Variants in CLEC16A observed in about 807,000 individuals in gnomAD.
CLEC16A encodes the protein protein CLEC16A.
In CLEC16A, 51 loss-of-function variants were observed where a neutral mutation model predicts 109.5. The observed-to-expected ratio is 0.47, with a 90% CI of 0.37 to 0.59. CLEC16A has a LOEUF of 0.59. CLEC16A is among the 20% of genes least tolerant of loss of function. CLEC16A has a pLI of 0.00. For missense variants in CLEC16A, 1,339 were observed against 1,394.0 expected (o/e 0.96, Z 0.63); for synonymous variants, 673 against 564.2 (o/e 1.19, Z -2.73).
intron 8 of CLEC16A, among the ~76,000 whole-genome samples, 154 bp downstream of exon 8, chr16:10,977,553 A>T (rs939255122): frequency 6.6e-6 from 1 of 151,982 alleles, no homozygotes; most frequent in African/African-American, 2.4e-5. Flanking sequence ...TTGCTCTTTT[A>T]CCCAGGCTGG....
intron 10 of CLEC16A, among the ~76,000 whole-genome samples, chr16:10,999,501 GTTTA>G (rs2044535554): frequency 6.6e-6 from 1 of 152,166 alleles, no homozygotes; most frequent in South Asian, 2.1e-4. Context: ...GTCTGCATCA[GTTTA>G]TTTAGGAATA....
At chr16:10,980,241 G>T (rs539673379) in intron 9 of CLEC16A, among the ~76,000 whole-genome samples, 4 of 152,262 alleles carry the variant, frequency 2.6e-5, no homozygotes, top group Middle Eastern at 3.4e-3. Context: ...CGGCAGGTAG[G>T]CCAATCCGGA....
chr16:11,121,645 C>T (rs2052417734), intron 20 of CLEC16A, among the ~76,000 whole-genome samples: 1 of 151,532 alleles, frequency 6.6e-6, no homozygotes, highest in African/African-American at 2.4e-5. Context: ...TTTGAGGGGC[C>T]AAGTCAGGTG....
chr16:11,095,481 C>G (rs1004995464), intron 19 of CLEC16A, among the ~76,000 whole-genome samples: 2 of 152,162 alleles, frequency 1.3e-5, no homozygotes, highest in Non-Finnish European at 2.9e-5. Flanking sequence ...GTCAGCATAG[C>G]TGAGGGTTTG....
In CLEC16A at chr16:11,067,443, G is replaced by A. The variant is rs561350576; in HGVS notation, c.2116+6421G>A. Among the ~76,000 whole-genome samples, 8 of 152,098 alleles carry A rather than the reference G, an allele frequency of 5.3e-5. No homozygotes were observed. In the South Asian group the frequency reaches 1.0e-3, roughly 20 times the overall value. Reference sequence around the variant, plus strand: ...GGGGGTGTGGGTGCCGAGAAGTGGCGCAGAAGAAGCAAAGGCCCTGGGGCC... The same window carrying A: ...GGGGGTGTGGGTGCCGAGAAGTGGCACAGAAGAAGCAAAGGCCCTGGGGCC... On this transcript the variant is annotated intron_variant, in intron 19 of 23. Coordinates refer to ENST00000409790, the MANE Select transcript of CLEC16A (RefSeq NM_015226.3).
intron 19 of CLEC16A, 144 bp downstream of exon 19, chr16:11,061,166 T>C (rs2048460848): frequency 3.1e-6 from 3 of 972,642 alleles, no homozygotes; most frequent in Admixed American, 3.2e-5. Flanking sequence ...GAGCCAGCGG[T>C]GTGCATGTCC....
At position 11,016,995 on chromosome 16, in the gene CLEC16A, C is replaced by T. The variant is rs1030814335; in HGVS notation, c.1304-3198C>T. ...ATAGGGCCGGGGCCCATGTGAATAT[C>T]GGGGCGGGGGGGGGGGTGCTCCTCC... On this transcript the variant is annotated intron_variant, in intron 11 of 23. Transcript: ENST00000409790. 3.8e-4 allele frequency among the ~76,000 whole-genome samples: 10 copies of T among 26,254 alleles called. No individual in the cohort carries two copies. The Admixed American group carries it at 3.9e-3, about 10-fold the overall frequency. 17.2% of individuals were successfully genotyped at this position (26,254 alleles called of 152,430 possible). A position where few individuals can be genotyped will look rare whatever the true frequency, so the allele number is the denominator to read the frequency against.
chr16:10,950,858 C>T (rs1443140276), intron 1 of CLEC16A, among the ~76,000 whole-genome samples: 1 of 152,232 alleles, frequency 6.6e-6, no homozygotes, highest in Non-Finnish European at 1.5e-5. Context: ...TCCTATCATT[C>T]TGCTTATCCT....
Position 11,045,063 on chromosome 16 carries a change from G to A in CLEC16A, c.1815+991G>A, listed in dbSNP as rs557580857. Among the ~76,000 whole-genome samples the A allele has an allele frequency of 5.3e-5, 8 of 150,654 alleles. No individual in the cohort carries two copies. In the South Asian group the frequency reaches 8.5e-4, roughly 16 times the overall value. ...AACAATAGACATTTACTTCTGGGCC[G>A]GGCATGGTGGCTCATGCCTATAATC... On this transcript the variant is annotated intron_variant, in intron 16 of 23. Transcript: ENST00000409790.
At chr16:11,057,023 A>G (rs1414625139) in intron 18 of CLEC16A, 2 of 152,306 alleles carry the variant, frequency 1.3e-5, no homozygotes, top group Non-Finnish European at 2.9e-5. Flanking sequence ...CAACTAAACT[A>G]TAATGAGCAG....
At chr16:10,996,830 C>A (rs977107207) in intron 10 of CLEC16A, among the ~76,000 whole-genome samples, 1 of 152,214 alleles carries the variant, frequency 6.6e-6, no homozygotes, top group Non-Finnish European at 1.5e-5. Flanking sequence ...CTGCGCTTAC[C>A]TGAGTCCCCC....
intron 22 of CLEC16A, among the ~76,000 whole-genome samples, chr16:11,134,251 G>A (rs975721831): frequency 6.6e-6 from 1 of 150,464 alleles, no homozygotes; most frequent in Non-Finnish European, 1.5e-5. Context: ...CTGGTACCAG[G>A]CAAAACTACG....
At chr16:11,023,085 A>AT (rs1174319048) in intron 12 of CLEC16A, among the ~76,000 whole-genome samples, 9 of 140,062 alleles carry the variant, frequency 6.4e-5, no homozygotes, top group Non-Finnish European at 7.8e-5. Flanking sequence ...CATTTTGGTT[A>AT]TTTTTTTTAC....
At chr16:11,097,627 A>G (rs1308156577) in intron 19 of CLEC16A, among the ~76,000 whole-genome samples, 1 of 152,166 alleles carries the variant, frequency 6.6e-6, no homozygotes, top group African/African-American at 2.4e-5. Context: ...CTGGGGTTGC[A>G]TTACAGCCTC....
At chr16:11,029,672 G>T (rs1330293415) in intron 13 of CLEC16A, among the ~76,000 whole-genome samples, 5 of 152,176 alleles carry the variant, frequency 3.3e-5, no homozygotes, top group Non-Finnish European at 7.3e-5. Flanking sequence ...TAAGTTGCCT[G>T]AATTAGTAGG....
chr16:11,143,504 T>C (rs1003554132), intron 22 of CLEC16A, among the ~76,000 whole-genome samples: 7 of 152,198 alleles, frequency 4.6e-5, no homozygotes, highest in Non-Finnish European at 7.4e-5. Flanking sequence ...GCAGTTTCCC[T>C]TAGCACCCTC....
intron 1 of CLEC16A, among the ~76,000 whole-genome samples, chr16:10,945,778 C>G (rs77240340): frequency 6.6e-6 from 1 of 152,228 alleles, no homozygotes; most frequent in South Asian, 2.1e-4. Flanking sequence ...CGTGCTCCCC[C>G]CATCCCAGTT....
intron 22 of CLEC16A, among the ~76,000 whole-genome samples, chr16:11,149,101 T>A (rs1020301548): frequency 6.6e-6 from 1 of 152,238 alleles, no homozygotes; most frequent in Non-Finnish European, 1.5e-5. Flanking sequence ...AAGTGGCCAG[T>A]ATGTTAGCAG....
intron 19 of CLEC16A, among the ~76,000 whole-genome samples, chr16:11,097,018 G>A (rs2050644147): frequency 6.6e-6 from 1 of 152,160 alleles, no homozygotes; most frequent in African/African-American, 2.4e-5. Context: ...TGTATAACAT[G>A]CCACCATGAG....
Sources: gnomAD v4.1 joint callset for allele counts (sites outside exome capture counted in the v4.1 genomes callset) on GRCh38, gnomAD v4.1.1 for gene constraint, MANE v1.5 for transcripts, NCBI Gene and HGNC (gene_info 2026-07-23, HGNC 2026-07-21) for gene names.